Variants in GSDMB observed in about 807,000 individuals in gnomAD.
GSDMB encodes gasdermin-B.
Under a neutral mutation model 42.9 loss-of-function variants are expected in GSDMB, and 32 were observed. That is an observed-to-expected ratio of 0.75 (90% CI 0.56 to 1.00). GSDMB has a LOEUF of 1.00. GSDMB is among the 50% of genes least tolerant of loss of function. The pLI is 0.00. For synonymous variants in GSDMB, 175 were observed against 193.7 expected (o/e 0.90, Z 0.80); for missense variants, 468 against 498.5 (o/e 0.94, Z 0.58).
chr17:39,914,164 A>G (rs2063664334), intron 2 of GSDMB, among the ~76,000 whole-genome samples: 1 of 152,246 alleles, frequency 6.6e-6, no homozygotes, highest in African/African-American at 2.4e-5. Flanking sequence ...CAACAGTGAT[A>G]GGTCATGTTG....
chr17:39,914,974 T>C (rs2063682779), intron 2 of GSDMB, among the ~76,000 whole-genome samples: 1 of 151,902 alleles, frequency 6.6e-6, no homozygotes, highest in South Asian at 2.1e-4. Flanking sequence ...GTAGCTGGGA[T>C]TACAGGCATG....
intron 2 of GSDMB, among the ~76,000 whole-genome samples, chr17:39,915,106 G>A (rs1360466407): frequency 6.6e-6 from 1 of 152,200 alleles, no homozygotes; most frequent in Admixed American, 6.5e-5. Flanking sequence ...CAAAGTGCTG[G>A]GATTACAGGC....
Position 39,904,907 on chromosome 17 carries a change from C to T in GSDMB, c.1156G>A (p.Asp386Asn). 6.2e-7 allele frequency: 1 copy of T among 1,613,616 alleles called. No individual in the cohort carries two copies. The highest frequency in any genetic ancestry group is 8.5e-7 in the Non-Finnish European group (1 of 1,179,560). The change falls in exon 11 of 11, where the codon GAC becomes AAC. Residue 386 changes from aspartate to asparagine, a missense_variant. Physicochemically the swap from Asp to Asn is conservative, Grantham distance 23 (BLOSUM62 1). Transcript: ENST00000418519. ...DELASSPPDM[D>N]YDPEARILCA... ...AGAATTCGTGCCTCAGGGTCATAGT[C>T]CATGTCAGGAGGACTGCTGGCCAGC...
intron 2 of GSDMB, among the ~76,000 whole-genome samples, chr17:39,914,002 G>C (rs1402153874): frequency 1.3e-5 from 2 of 152,028 alleles, no homozygotes; most frequent in East Asian, 1.9e-4. Flanking sequence ...TTTGCTTCTT[G>C]AGCAGTGTAA....
At position 39,912,424 on chromosome 17, in the gene GSDMB, T is replaced by A; in HGVS notation, c.309A>T (p.Glu103Asp). ...TGELIVRLPK[E>D]ITISGSFQGF... Reference sequence around the variant, plus strand: ...CCTGGAAACTGCCTGAAATTGTTATTTCTTTGGGTAATCTCACTATCAACT... The same window carrying A: ...CCTGGAAACTGCCTGAAATTGTTATATCTTTGGGTAATCTCACTATCAACT... The change falls in exon 3 of 11, where the codon GAA becomes GAT. Residue 103 changes from glutamate (E) to aspartate (D), a missense_variant. Physicochemically the swap from Glu to Asp is conservative, Grantham distance 45. Coordinates refer to ENST00000418519, the MANE Select transcript of GSDMB (RefSeq NM_001165958.2). 6.2e-7 allele frequency: 1 copy of A among 1,612,676 alleles called. No individual in the cohort carries two copies. Among genetic ancestry groups the A allele is most frequent in the Non-Finnish European group, 8.5e-7 (1 of 1,178,688 alleles).
At chr17:39,907,246 A>G in intron 6 of GSDMB, 2 of 1,296,684 alleles carry the variant, frequency 1.5e-6, no homozygotes, top group Non-Finnish European at 2.0e-6. Flanking sequence ...AGGGGGCAGC[A>G]TACACTCAGT....
chr17:39,917,022 G>A (rs1414788808), intron 2 of GSDMB, 60 bp downstream of exon 2: 1 of 1,023,080 alleles, frequency 9.8e-7, no homozygotes, highest in South Asian at 1.3e-5. Flanking sequence ...TTGAGAAGGA[G>A]ATGGAGTACA....
At chr17:39,906,411 G>T in intron 7 of GSDMB, 140 bp from the exon 8 acceptor site, 1 of 961,762 alleles carries the variant, frequency 1.0e-6, no homozygotes, top group Non-Finnish European at 1.5e-6. Flanking sequence ...TTAAAATTAA[G>T]CATCCTTCTT....
chr17:39,917,448 T>C (rs1483648904), intron 1 of GSDMB, 118 bp from the exon 2 acceptor site: 6 of 660,410 alleles, frequency 9.1e-6, no homozygotes, highest in Non-Finnish European at 1.6e-5. Context: ...AGCCATCATA[T>C]TCCCTGTGAC....
intron 2 of GSDMB, among the ~76,000 whole-genome samples, chr17:39,916,391 TCTTGCCTCAGCCTC>T (rs2063711711): frequency 6.6e-6 from 1 of 150,628 alleles, no homozygotes; most frequent in African/African-American, 2.4e-5. Context: ...CAAGCAATTC[TCTTGCCTCAGCCTC>T]CTGAGTAGCC....
intron 5 of GSDMB, 45 bp from the exon 6 acceptor site, chr17:39,908,259 G>A (rs1052882249): frequency 2.8e-6 from 3 of 1,077,906 alleles, no homozygotes; most frequent in African/African-American, 3.3e-5. Context: ...TTATTGGAGA[G>A]ACCAGTTATC....
chr17:39,904,642 T>C lies in GSDMB; in HGVS notation c.*170A>G, dbSNP rs1302279490. ...TTTAATCAGAAGTCCATGTATGAAATCCAGGCTGGTTTTGGATGTTAACAT... is the reference window on the plus strand; with the variant it reads ...TTTAATCAGAAGTCCATGTATGAAACCCAGGCTGGTTTTGGATGTTAACAT... On this transcript the variant is annotated 3_prime_UTR_variant, in exon 11 of 11. Coordinates refer to ENST00000418519, the MANE Select transcript of GSDMB (RefSeq NM_001165958.2). 3 of 549,718 alleles carry C rather than the reference T, an allele frequency of 5.5e-6. No individual in the cohort carries two copies. The highest frequency in any genetic ancestry group is 2.8e-5 in the South Asian group (1 of 36,202). The allele number at this position is 549,718 out of a possible 1,614,324, so 34.1% of individuals were successfully genotyped here.
intron 2 of GSDMB, among the ~76,000 whole-genome samples, chr17:39,914,884 G>A (rs1469792397): frequency 6.7e-6 from 1 of 149,494 alleles, no homozygotes; most frequent in African/African-American, 2.5e-5. Flanking sequence ...CGCCAGGCTG[G>A]AGTGCAGTGG....
rs749899022 is a variant in GSDMB, at chr17:39,904,935, A to C, written c.1128T>G (p.Asp376Glu). The C allele has an allele frequency of 1.2e-6, 2 of 1,613,830 alleles. No homozygotes were observed. The highest frequency in any genetic ancestry group is 1.7e-6 in the Non-Finnish European group (2 of 1,179,732). The stretch of plus-strand genomic sequence containing the variant: ...TGTCAGGAGGACTGCTGGCCAGCTC[A>C]TCCCAGTTCTGCTCCATGACAGATT... ...QVKSVMEQNW[D>E]ELASSPPDMD... The change falls in exon 11 of 11, where the codon GAT becomes GAG. Residue 376 changes from aspartate to glutamate, a missense_variant. Transcript: ENST00000418519.
chr17:39,906,869 C>T, intron 7 of GSDMB, 92 bp downstream of exon 7: 1 of 1,598,284 alleles, frequency 6.3e-7, no homozygotes. Flanking sequence ...CCTACCCACT[C>T]AGCTGACCCC....
intron 2 of GSDMB, 43 bp downstream of exon 2, chr17:39,917,037 GTC>G: frequency 7.8e-7 from 1 of 1,283,908 alleles, no homozygotes. Flanking sequence ...AGTACAAACG[GTC>G]AAGGCCTCCT....
At position 39,906,165 on chromosome 17, in the gene GSDMB, G is replaced by C; in HGVS notation, c.834C>G (p.Asn278Lys). ...CCTTGCCGAGGCACTTAGCGAGGGA[G>C]TTTAGCACATCTTTTCTCTTCTCCT... ...LTEEKRKDVL[N>K]SLAKCLGKED... Residue 278 changes from asparagine to lysine, a missense_variant, in exon 8 of 11, where the codon AAC becomes AAG. Coordinates refer to ENST00000418519, the MANE Select transcript of GSDMB (RefSeq NM_001165958.2). The C allele has an allele frequency of 6.2e-7, 1 of 1,614,130 alleles. No individual in the cohort carries two copies. Among genetic ancestry groups the C allele is most frequent in the Non-Finnish European group, 8.5e-7 (1 of 1,179,992 alleles).
At chr17:39,918,315 G>A (rs181379405) in intron 1 of GSDMB, 1 of 152,180 alleles carries the variant, frequency 6.6e-6, no homozygotes, top group East Asian at 1.9e-4. Context: ...GGCCTCAGAA[G>A]AAACAAAAGC....
chr17:39,904,834 C>A lies in GSDMB; in HGVS notation c.1229G>T (p.Gly410Val). 6.2e-7 allele frequency: 1 copy of A among 1,613,972 alleles called. No individual in the cohort carries two copies. The highest frequency in any genetic ancestry group is 8.5e-7 in the Non-Finnish European group (1 of 1,179,940). ...VVSILLELAE[G>V]PTSVSS ...TAGTTAGGAAGAGACAGAGGTAGGC[C>A]CCTCAGCCAGCTCCAGCAGGATAGA... The change falls in exon 11 of 11, where the codon GGG becomes GTG. Residue 410 changes from glycine to valine, a missense_variant. Coordinates refer to ENST00000418519, the MANE Select transcript of GSDMB (RefSeq NM_001165958.2).
Sources: gnomAD v4.1 joint callset for allele counts (sites outside exome capture counted in the v4.1 genomes callset) on GRCh38, gnomAD v4.1.1 for gene constraint, MANE v1.5 for transcripts, NCBI Gene and HGNC (gene_info 2026-07-23, HGNC 2026-07-21) for gene names.